Variants in NAV2 observed in about 807,000 individuals in gnomAD.
NAV2 encodes helicase, APC down-regulated 1.
In NAV2, 54 loss-of-function variants were observed where a neutral mutation model predicts 223.2. That is an observed-to-expected ratio of 0.24 (90% confidence interval 0.19 to 0.30). The LOEUF is 0.30. NAV2 is among the 10% of genes least tolerant of loss of function. The pLI, the probability that NAV2 is intolerant of heterozygous loss-of-function variation, is 1.00. For synonymous variants in NAV2, 1,279 were observed against 1,239.3 expected, an observed-to-expected ratio of 1.03 and a Z score of -0.67; for missense variants, 2,806 against 3,147.5, an observed-to-expected ratio of 0.89 and a Z score of 2.60.
intron 1 of NAV2, among the ~76,000 whole-genome samples, chr11:19,817,329 C>G (rs2152833997): frequency 6.6e-6 from 1 of 152,218 alleles, no homozygotes; most frequent in East Asian, 1.9e-4. Flanking sequence ...ATTGAGGATC[C>G]CATTGGAAAT....
chr11:19,644,769 G>A (rs1204118757), intron 1 of NAV2, among the ~76,000 whole-genome samples: 1 of 152,242 alleles, frequency 6.6e-6, no homozygotes, highest in East Asian at 1.9e-4. Flanking sequence ...AGGCAGCAGA[G>A]ATGAGATCTG....
Position 19,984,061 on chromosome 11 carries a change from A to G in NAV2, c.2646-64A>G, listed in dbSNP as rs1253017899. On this transcript the variant is annotated intron_variant, in intron 10 of 37. Coordinates refer to ENST00000349880, the MANE Select transcript of NAV2 (RefSeq NM_145117.5). ...GCGGCTGTACAGGCTTCTGGATATG[A>G]ATGCAAGCCTGGAAGCCACTTGCTT... 15 of 1,608,798 alleles carry G rather than the reference A, an allele frequency of 9.3e-6. No homozygotes were observed. The East Asian group carries it at 3.4e-4, about 36-fold the overall frequency.
chr11:20,118,298 G>T lies in NAV2; in HGVS notation c.*40G>T, dbSNP rs761742021. 1.9e-6 allele frequency: 3 copies of T among 1,605,766 alleles called. No homozygotes were observed. The highest frequency in any genetic ancestry group is 1.3e-5 in the African/African-American group (1 of 74,790). ...CCAGCGCCCTCCTCTTCTCCTCACC[G>T]CATTCCACCTGCATCCCCCACATCA... On this transcript the variant is annotated 3_prime_UTR_variant, in exon 38 of 38. Transcript: ENST00000349880.
chr11:20,021,799 G>A (rs1271829598), intron 11 of NAV2, among the ~76,000 whole-genome samples: 3 of 152,108 alleles, frequency 2.0e-5, no homozygotes, highest in East Asian at 3.9e-4. Context: ...GGACTCCTTC[G>A]AGATTACAAT....
chr11:20,084,900 T>C (rs1342209328), intron 26 of NAV2, among the ~76,000 whole-genome samples: 1 of 152,002 alleles, frequency 6.6e-6, no homozygotes, highest in African/African-American at 2.4e-5. Flanking sequence ...CAAAAAGGGG[T>C]TAACCAAGCC....
chr11:19,368,282 A>G (rs915213451), intron 1 of NAV2, among the ~76,000 whole-genome samples: 2 of 152,208 alleles, frequency 1.3e-5, no homozygotes, highest in African/African-American at 4.8e-5. Flanking sequence ...GAGGTCCTAC[A>G]GGATTTGAAG....
At chr11:19,626,766 G>A (rs1166011909) in intron 1 of NAV2, among the ~76,000 whole-genome samples, 1 of 151,974 alleles carries the variant, frequency 6.6e-6, no homozygotes, top group Admixed American at 6.6e-5. Flanking sequence ...TTATTCCTAG[G>A]TATTTTATTT....
intron 1 of NAV2, among the ~76,000 whole-genome samples, chr11:19,547,089 G>T (rs537927170): frequency 6.6e-6 from 1 of 152,166 alleles, no homozygotes; most frequent in Non-Finnish European, 1.5e-5. Context: ...GGTGGTCCCT[G>T]CCTACCCACA....
chr11:19,938,099 A>G (rs2046071302), intron 7 of NAV2, among the ~76,000 whole-genome samples: 1 of 152,214 alleles, frequency 6.6e-6, no homozygotes, highest in African/African-American at 2.4e-5. Flanking sequence ...ATGTGGGTGC[A>G]GCATAGTAGA....
chr11:19,497,651 T>C (rs1446912232), intron 1 of NAV2, among the ~76,000 whole-genome samples: 3 of 152,158 alleles, frequency 2.0e-5, no homozygotes, highest in Middle Eastern at 3.2e-3. Context: ...TCAGGAATCA[T>C]TAATCATGAG....
At chr11:19,860,585 G>A (rs879536642) in intron 3 of NAV2, among the ~76,000 whole-genome samples, 2 of 144,532 alleles carry the variant, frequency 1.4e-5, no homozygotes, top group Non-Finnish European at 3.1e-5. Flanking sequence ...CATCCCAGAC[G>A]ATGGGCGGCC....
chr11:19,636,331 A>T (rs1164969543), intron 1 of NAV2, among the ~76,000 whole-genome samples: 1 of 152,112 alleles, frequency 6.6e-6, no homozygotes, highest in Non-Finnish European at 1.5e-5. Flanking sequence ...GTAGCTGACT[A>T]TACTCAAACC....
intron 1 of NAV2, among the ~76,000 whole-genome samples, chr11:19,797,655 G>A (rs545658981): frequency 5.9e-4 from 90 of 152,292 alleles, no homozygotes; most frequent in African/African-American, 2.1e-3. Context: ...GGCAGCTCTG[G>A]TTGGAACGAG....
intron 1 of NAV2, among the ~76,000 whole-genome samples, chr11:19,367,121 T>C (rs1848313566): frequency 6.6e-6 from 1 of 152,220 alleles, no homozygotes; most frequent in African/African-American, 2.4e-5. Context: ...TGGCACCATT[T>C]GTAATGTCCT....
chr11:19,807,355 TAC>T (rs1439882317), intron 1 of NAV2, among the ~76,000 whole-genome samples: 1 of 152,198 alleles, frequency 6.6e-6, no homozygotes, highest in African/African-American at 2.4e-5. Flanking sequence ...CCCAGGGAGC[TAC>T]ACAGAAGACA....
chr11:19,452,308 G>A (rs548752924), intron 1 of NAV2, among the ~76,000 whole-genome samples: 4 of 152,274 alleles, frequency 2.6e-5, no homozygotes, highest in African/African-American at 9.6e-5. Flanking sequence ...CAGGTATCAT[G>A]TTGGGCCCTG....
At chr11:19,716,250 A>G (rs767897474) in intron 1 of NAV2, among the ~76,000 whole-genome samples, 2 of 152,156 alleles carry the variant, frequency 1.3e-5, no homozygotes, top group Non-Finnish European at 2.9e-5. Flanking sequence ...TGGGTTGTGT[A>G]GTGGCTGATA....
At chr11:19,657,371 A>G (rs557322486) in intron 1 of NAV2, among the ~76,000 whole-genome samples, 1 of 152,326 alleles carries the variant, frequency 6.6e-6, no homozygotes, top group Admixed American at 6.5e-5. Context: ...TACATTTAAT[A>G]TAAAAAAACC....
intron 1 of NAV2, among the ~76,000 whole-genome samples, chr11:19,415,274 T>A (rs1660838290): frequency 6.6e-6 from 1 of 152,154 alleles, no homozygotes; most frequent in Non-Finnish European, 1.5e-5. Flanking sequence ...TCACTACTGA[T>A]CTTACAGAAA....
Sources: gnomAD v4.1 joint callset for allele counts (sites outside exome capture counted in the v4.1 genomes callset) on GRCh38, gnomAD v4.1.1 for gene constraint, MANE v1.5 for transcripts, NCBI Gene and HGNC (gene_info 2026-07-23, HGNC 2026-07-21) for gene names.